CNOT7: variants seen among roughly 807,000 people sequenced by gnomAD.
CNOT7 encodes BTG1-binding factor 1.
Under a neutral mutation model 37.1 loss-of-function variants are expected in CNOT7, and 4 were observed. The observed-to-expected ratio is 0.11, with a 90% CI of 0.05 to 0.25. CNOT7 has a LOEUF of 0.25. Among genes scored for constraint, CNOT7 ranks in the 10% least tolerant of loss-of-function variants. CNOT7 has a pLI of 1.00. For missense variants in CNOT7, 170 were observed against 336.2 expected, an observed-to-expected ratio of 0.51 and a Z score of 3.87; for synonymous variants, 128 against 115.6, an observed-to-expected ratio of 1.11 and a Z score of -0.69.
intron 3 of CNOT7, among the ~76,000 whole-genome samples, chr8:17,238,223 T>C (rs1244346642): frequency 6.6e-6 from 1 of 152,112 alleles, no homozygotes; most frequent in Non-Finnish European, 1.5e-5. Flanking sequence ...AAAAAGTGTT[T>C]TTTTATTTAC....
At position 17,230,707 on chromosome 8, in the gene CNOT7, G is replaced by C. The variant is rs1253267598; in HGVS notation, c.*13C>G. The C allele has an allele frequency of 6.3e-7, 1 of 1,588,648 alleles. No individual in the cohort carries two copies. Among genetic ancestry groups the C allele is most frequent in the Non-Finnish European group, 8.5e-7 (1 of 1,170,758 alleles). On this transcript the variant is annotated 3_prime_UTR_variant, in exon 7 of 7. Transcript: ENST00000361272. The stretch of plus-strand genomic sequence containing the variant: ...TGTGTAGCTCGAAATAAAAATAAAA[G>C]GACTATTTCATGTCATGACTGCTTG...
Position 17,228,108 on chromosome 8 carries a change from G to A in CNOT7, c.*2612C>T, listed in dbSNP as rs1451796469. ...AAATTTGAATTTCATGTAATTTTCA[G>A]ATGTCAGGAAATAATCTTTTGATTA... On this transcript the variant is annotated 3_prime_UTR_variant, in exon 7 of 7. Coordinates refer to ENST00000361272, the MANE Select transcript of CNOT7 (RefSeq NM_013354.7). The A allele has an allele frequency of 6.6e-6, 1 of 151,844 alleles. No individual in the cohort carries two copies. Among genetic ancestry groups the A allele is most frequent in the Admixed American group, 6.6e-5 (1 of 15,206 alleles). 9.4% of individuals were successfully genotyped at this position (151,844 alleles called of 1,614,324 possible).
intron 2 of CNOT7, chr8:17,243,480 T>C (rs1018812725): frequency 3.9e-5 from 21 of 531,786 alleles, no homozygotes; most frequent in Non-Finnish European, 6.8e-5. Flanking sequence ...TAAATTCCTG[T>C]CTCCCAAAGG....
Position 17,233,595 on chromosome 8 carries a change from T to A in CNOT7, c.619-1058A>T, listed in dbSNP as rs567890266. On this transcript the variant is annotated intron_variant, in intron 5 of 6. Coordinates refer to ENST00000361272, the MANE Select transcript of CNOT7 (RefSeq NM_013354.7). Reference sequence around the variant, plus strand: ...TGAAAACTATCATTATACAGACATGTCAATTAAAAAAAAAGTCAGATGAAA... The same window carrying A: ...TGAAAACTATCATTATACAGACATGACAATTAAAAAAAAAGTCAGATGAAA... Among the ~76,000 whole-genome samples the A allele has an allele frequency of 1.7e-4, 26 of 152,000 alleles. No homozygotes were observed. The South Asian group carries it at 5.4e-3, about 32-fold the overall frequency.
rs71543685 is a variant in CNOT7 at position 17,230,530 on chromosome 8, G to GT, written c.*189dup. On this transcript the variant is annotated 3_prime_UTR_variant, in exon 7 of 7. Coordinates refer to ENST00000361272, the MANE Select transcript of CNOT7 (RefSeq NM_013354.7). ...TTAAGGCCAAATTTAACCTGAATGCGTTTTTTTTTTTCTTTTTATTAAGAT... is the reference window on the plus strand; with the variant it reads ...TTAAGGCCAAATTTAACCTGAATGCGTTTTTTTTTTTTCTTTTTATTAAGAT... 25,898 of 319,996 alleles carry GT rather than the reference G, an allele frequency of 0.081. 106 individuals are homozygous for GT. The highest frequency in any genetic ancestry group is 0.13 in the Middle Eastern group (147 of 1,110). 19.8% of individuals were successfully genotyped at this position (319,996 alleles called of 1,614,324 possible). A position where few individuals can be genotyped will look rare whatever the true frequency, so the allele number is the denominator to read the frequency against.
Position 17,229,279 on chromosome 8 carries a change from T to C in CNOT7, c.*1441A>G, listed in dbSNP as rs1307659358. 2 of 151,806 alleles carry C rather than the reference T, an allele frequency of 1.3e-5. No individual in the cohort carries two copies. The highest frequency in any genetic ancestry group is 1.3e-4 in the Admixed American group (2 of 15,232). 9.4% of individuals were successfully genotyped at this position (151,806 alleles called of 1,614,324 possible). A position where few individuals can be genotyped will look rare whatever the true frequency, so the allele number is the denominator to read the frequency against. On this transcript the variant is annotated 3_prime_UTR_variant, in exon 7 of 7. Coordinates refer to ENST00000361272, the MANE Select transcript of CNOT7 (RefSeq NM_013354.7). ...TATTTACAAAAGCTTTAAAAACAAATAATACCCTCTGTTTTGCAAATAATG... is the reference window on the plus strand; with the variant it reads ...TATTTACAAAAGCTTTAAAAACAAACAATACCCTCTGTTTTGCAAATAATG...
intron 4 of CNOT7, 25 bp from the exon 5 acceptor site, chr8:17,234,885 G>GAAGA (rs1563193873): frequency 6.2e-7 from 1 of 1,605,798 alleles, no homozygotes. Flanking sequence ...AAAGAATAGA[G>GAAGA]AAGAGGGACA....
At chr8:17,239,473 T>C (rs1240361580) in intron 3 of CNOT7, among the ~76,000 whole-genome samples, 2 of 152,206 alleles carry the variant, frequency 1.3e-5, no homozygotes, top group African/African-American at 4.8e-5. Context: ...TCTACTATCC[T>C]ATTGAATTAC....
intron 5 of CNOT7, among the ~76,000 whole-genome samples, chr8:17,232,751 T>C (rs1374997995): frequency 1.3e-5 from 2 of 152,140 alleles, no homozygotes; most frequent in African/African-American, 4.8e-5. Flanking sequence ...AAGATCCTAA[T>C]TGGGAAAATG....
At chr8:17,233,379 C>T (rs570649145) in intron 5 of CNOT7, among the ~76,000 whole-genome samples, 1 of 152,204 alleles carries the variant, frequency 6.6e-6, no homozygotes, top group Non-Finnish European at 1.5e-5. Context: ...GATTAGGTAT[C>T]GTTAGCAGCT....
intron 3 of CNOT7, among the ~76,000 whole-genome samples, chr8:17,238,122 T>A (rs1465422022): frequency 1.3e-5 from 2 of 152,362 alleles, no homozygotes; most frequent in South Asian, 4.1e-4. Context: ...TATGTGTATC[T>A]GAAATATTAA....
rs1185190922 is a variant in CNOT7, at chr8:17,230,122, TTTC to T, written c.*595_*597del. The T allele has an allele frequency of 8.5e-5, 13 of 152,538 alleles. No homozygotes were observed. The highest frequency in any genetic ancestry group is 2.2e-4 in the African/African-American group (9 of 41,550). 9.4% of individuals were successfully genotyped at this position (152,538 alleles called of 1,614,324 possible). On this transcript the variant is annotated 3_prime_UTR_variant, in exon 7 of 7. Transcript: ENST00000361272. ...CAGCAGTTACTAAGCTCCTCAGTAG[TTTC>T]TTGTCTTTTTTAAGTTTCGCTGAAT...
Position 17,237,085 on chromosome 8 carries a change from G to A in CNOT7, c.473+127C>T, listed in dbSNP as rs1563198013. The A allele has an allele frequency of 9.3e-6, 8 of 862,116 alleles. No individual in the cohort carries two copies. In the East Asian group the frequency reaches 2.0e-4, roughly 21 times the overall value. The allele number at this position is 862,116 out of a possible 1,614,324, so 53.4% of individuals were successfully genotyped here. A position where few individuals can be genotyped will look rare whatever the true frequency, so the allele number is the denominator to read the frequency against. On this transcript the variant is annotated intron_variant, in intron 4 of 6. Transcript: ENST00000361272. ...AACATTAGCCTCCTAAGAGTTAGGA[G>A]ACAACTCTATATGGCAGTCAACTCT...
In CNOT7 at chr8:17,229,547, T is replaced by G. The variant is rs565131951; in HGVS notation, c.*1173A>C. On this transcript the variant is annotated 3_prime_UTR_variant, in exon 7 of 7. Transcript: ENST00000361272. ...CTGCATGGCTAAGTATTTCACAGTC[T>G]CTTTTGTCAATATATATAAAATAGA... is the stretch of plus-strand genomic sequence containing the variant. 2.6e-5 allele frequency: 4 copies of G among 152,266 alleles called. No homozygotes were observed. The East Asian group carries it at 5.8e-4, about 22-fold the overall frequency. The allele number at this position is 152,266 out of a possible 1,614,324, so 9.4% of individuals were successfully genotyped here.
At position 17,225,254 on chromosome 8, in the gene CNOT7, T is replaced by C. The variant is rs1305674545; in HGVS notation, c.*5466A>G. Reference sequence around the variant, plus strand: ...GTATGATACTAAATAAAGATTCTTATCTTTTGGGAGAAAGAGCCAAAACAG... The same window carrying C: ...GTATGATACTAAATAAAGATTCTTACCTTTTGGGAGAAAGAGCCAAAACAG... On this transcript the variant is annotated 3_prime_UTR_variant, in exon 7 of 7. Coordinates refer to ENST00000361272, the MANE Select transcript of CNOT7 (RefSeq NM_013354.7). 6.6e-6 allele frequency: 1 copy of C among 151,676 alleles called. No individual in the cohort carries two copies. The highest frequency in any genetic ancestry group is 1.9e-4 in the East Asian group (1 of 5,190). The allele number at this position is 151,676 out of a possible 1,614,324, so 9.4% of individuals were successfully genotyped here. A position where few individuals can be genotyped will look rare whatever the true frequency, so the allele number is the denominator to read the frequency against.
Position 17,226,698 on chromosome 8 carries a change from A to G in CNOT7, c.*4022T>C, listed in dbSNP as rs1349064996. On this transcript the variant is annotated 3_prime_UTR_variant, in exon 7 of 7. Transcript: ENST00000361272. ...CAATACAGCGCTGTTTTGACTTCTC[A>G]TAGCACAGAAAGTATATAAAGCAGC... 6.6e-6 allele frequency: 1 copy of G among 151,788 alleles called. No homozygotes were observed. The highest frequency in any genetic ancestry group is 1.5e-5 in the Non-Finnish European group (1 of 67,736). 9.4% of individuals were successfully genotyped at this position (151,788 alleles called of 1,614,324 possible).
At chr8:17,242,748 C>A (rs1214173617) in intron 3 of CNOT7, 1 of 321,248 alleles carries the variant, frequency 3.1e-6, no homozygotes, top group South Asian at 1.0e-4. Context: ...ACTTTCAATA[C>A]CCAGTCTTCC....
At chr8:17,242,288 T>A (rs1810288993) in intron 3 of CNOT7, 1 of 152,242 alleles carries the variant, frequency 6.6e-6, no homozygotes, top group Non-Finnish European at 1.5e-5. Flanking sequence ...ATGTATTATT[T>A]TATTTACCCA....
In CNOT7 at chr8:17,230,681, G is replaced by T; in HGVS notation, c.*39C>A. ...AGAGATAAAACCTATATACAAGCAT[G>T]TGTGTAGCTCGAAATAAAAATAAAA... is the stretch of plus-strand genomic sequence containing the variant. On this transcript the variant is annotated 3_prime_UTR_variant, in exon 7 of 7. Coordinates refer to ENST00000361272, the MANE Select transcript of CNOT7 (RefSeq NM_013354.7). 6.4e-7 allele frequency: 1 copy of T among 1,566,380 alleles called. No individual in the cohort carries two copies. Among genetic ancestry groups the T allele is most frequent in the Non-Finnish European group, 8.6e-7 (1 of 1,156,330 alleles).
Sources: allele counts gnomAD v4.1 joint callset (sites outside exome capture counted in the v4.1 genomes callset), GRCh38; gene constraint gnomAD v4.1.1; transcripts MANE v1.5; gene names NCBI Gene and HGNC (gene_info 2026-07-23, HGNC 2026-07-21).